SLC9A9: variants seen among roughly 807,000 people sequenced by gnomAD.
SLC9A9 encodes the protein solute carrier family 9 member A9, also known as sodium/hydrogen exchanger 9.
In SLC9A9, 62 loss-of-function variants were observed where a neutral mutation model predicts 77.8. The ratio of observed to expected loss-of-function variants is 0.80; its 90% CI spans 0.65 to 0.98. The LOEUF (loss-of-function observed/expected upper bound fraction) is 0.98. SLC9A9 is among the 50% of genes least tolerant of loss of function. The pLI, the probability that SLC9A9 is intolerant of heterozygous loss-of-function variation, is 0.00. For missense variants in SLC9A9, 775 were observed against 774.9 expected (o/e 1.00, Z 0.00); for synonymous variants, 320 against 283.5 (o/e 1.13, Z -1.29).
chr3:143,601,458 G>A (rs2037843840), intron 6 of SLC9A9, among the ~76,000 whole-genome samples: 1 of 152,210 alleles, frequency 6.6e-6, no homozygotes, highest in Non-Finnish European at 1.5e-5. Flanking sequence ...TTGAAATTCA[G>A]TCAAGTTGAA....
chr3:143,706,129 C>T (rs1415555356), intron 4 of SLC9A9, among the ~76,000 whole-genome samples: 1 of 152,166 alleles, frequency 6.6e-6, no homozygotes, highest in African/African-American at 2.4e-5. Flanking sequence ...TGAATTTTTC[C>T]CCTGGACTGC....
At chr3:143,756,281 A>T (rs777245942) in intron 4 of SLC9A9, among the ~76,000 whole-genome samples, 5 of 152,208 alleles carry the variant, frequency 3.3e-5, no homozygotes, top group Non-Finnish European at 7.3e-5. Flanking sequence ...TCTTCACAAC[A>T]GTGGTAGTAA....
chr3:143,598,442 G>A (rs1323852600), intron 6 of SLC9A9, among the ~76,000 whole-genome samples: 3 of 152,234 alleles, frequency 2.0e-5, no homozygotes, highest in Non-Finnish European at 4.4e-5. Context: ...TTCACTTGAA[G>A]CTCAGGACAC....
At chr3:143,528,786 C>T (rs1356721122) in intron 9 of SLC9A9, among the ~76,000 whole-genome samples, 2 of 141,810 alleles carry the variant, frequency 1.4e-5, no homozygotes, top group South Asian at 4.8e-4. Context: ...GTATTTTTGT[C>T]CTTCTAGCTC....
At chr3:143,314,562 C>T (rs1202012693) in intron 14 of SLC9A9, 1 of 152,234 alleles carries the variant, frequency 6.6e-6, no homozygotes, top group Non-Finnish European at 1.5e-5. Context: ...AAACAAAGCT[C>T]CATGGAAACG....
chr3:143,463,482 T>C (rs838616), intron 12 of SLC9A9, among the ~76,000 whole-genome samples: 34,708 of 152,184 alleles, frequency 0.23, 5,146 homozygotes, highest in Non-Finnish European at 0.34. Flanking sequence ...CTGGCTTTTG[T>C]AGGGCAAAGC....
At chr3:143,786,522 A>T (rs1441886832) in intron 4 of SLC9A9, among the ~76,000 whole-genome samples, 1 of 152,086 alleles carries the variant, frequency 6.6e-6, no homozygotes, top group African/African-American at 2.4e-5. Context: ...TCACCTCTAA[A>T]CTACATCTCT....
chr3:143,663,084 G>A (rs766774189), intron 5 of SLC9A9, among the ~76,000 whole-genome samples: 3 of 152,156 alleles, frequency 2.0e-5, no homozygotes, highest in Admixed American at 6.5e-5. Flanking sequence ...CTGAGACGAA[G>A]CTTCCAGAGG....
intron 13 of SLC9A9, among the ~76,000 whole-genome samples, chr3:143,365,090 G>A (rs1475294447): frequency 6.6e-6 from 1 of 152,198 alleles, no homozygotes. Flanking sequence ...GGAATAATAT[G>A]CACTCATAAA....
At chr3:143,641,656 G>A (rs1479727061) in intron 6 of SLC9A9, among the ~76,000 whole-genome samples, 3 of 152,160 alleles carry the variant, frequency 2.0e-5, no homozygotes, top group Non-Finnish European at 4.4e-5. Flanking sequence ...GCCTCCCAAA[G>A]TGCTGGGATT....
At chr3:143,402,788 G>T in intron 12 of SLC9A9, among the ~76,000 whole-genome samples, 1 of 147,334 alleles carries the variant, frequency 6.8e-6, no homozygotes, top group African/African-American at 2.5e-5. Flanking sequence ...AATTCAGTCT[G>T]ACAGTGTCTG....
At chr3:143,583,037 C>T (rs865822837) in intron 6 of SLC9A9, among the ~76,000 whole-genome samples, 2 of 152,136 alleles carry the variant, frequency 1.3e-5, no homozygotes, top group East Asian at 1.9e-4. Context: ...CCTGTAGTCC[C>T]GGCTACTCAG....
chr3:143,738,649 C>A (rs1306671950), intron 4 of SLC9A9, among the ~76,000 whole-genome samples: 2 of 152,122 alleles, frequency 1.3e-5, no homozygotes, highest in African/African-American at 4.8e-5. Flanking sequence ...GGACCCAGTC[C>A]CATAAGACTG....
intron 12 of SLC9A9, among the ~76,000 whole-genome samples, chr3:143,420,464 A>T (rs1263843725): frequency 6.6e-6 from 1 of 152,172 alleles, no homozygotes; most frequent in African/African-American, 2.4e-5. Context: ...TGGGAATATC[A>T]GAAAGGGTGA....
At chr3:143,569,205 A>G (rs534915363) in intron 8 of SLC9A9, among the ~76,000 whole-genome samples, 2 of 151,890 alleles carry the variant, frequency 1.3e-5, no homozygotes, top group African/African-American at 4.8e-5. Flanking sequence ...TAATAAATAC[A>G]CAGGTATAGC....
intron 14 of SLC9A9, among the ~76,000 whole-genome samples, chr3:143,336,217 C>T (rs996598387): frequency 5.9e-5 from 9 of 152,056 alleles, no homozygotes; most frequent in African/African-American, 1.9e-4. Flanking sequence ...ATTAGGATGG[C>T]TACTATCATA....
At chr3:143,811,557 G>A (rs2008864634) in intron 2 of SLC9A9, among the ~76,000 whole-genome samples, 1 of 151,986 alleles carries the variant, frequency 6.6e-6, no homozygotes, top group Non-Finnish European at 1.5e-5. Flanking sequence ...TTCAAGAAGT[G>A]TTCACTGGCC....
At chr3:143,580,573 G>T (rs1188799741) in intron 6 of SLC9A9, among the ~76,000 whole-genome samples, 1 of 152,100 alleles carries the variant, frequency 6.6e-6, no homozygotes, top group Non-Finnish European at 1.5e-5. Context: ...GAATATCTAT[G>T]AAATCATAAG....
At chr3:143,335,067 ATC>A (rs1477180747) in intron 14 of SLC9A9, among the ~76,000 whole-genome samples, 1 of 152,268 alleles carries the variant, frequency 6.6e-6, no homozygotes, top group East Asian at 1.9e-4. Context: ...TCCACAAAAA[ATC>A]TGTTAGAGCT....
Sources: gnomAD v4.1 joint callset for allele counts (sites outside exome capture counted in the v4.1 genomes callset) on GRCh38, gnomAD v4.1.1 for gene constraint, MANE v1.5 for transcripts, NCBI Gene and HGNC (gene_info 2026-07-23, HGNC 2026-07-21) for gene names.